The following IMPG1 variants were observed in gnomAD, a reference collection of about 807,000 sequenced individuals.
IMPG1 encodes the protein interphotoreceptor matrix proteoglycan 1, also known as interphotoreceptor matrix proteoglycan of 150 kDa.
In IMPG1, 85 loss-of-function variants were observed where a neutral mutation model predicts 92.0. That is an observed-to-expected ratio of 0.92 (90% CI 0.78 to 1.11). IMPG1 has a LOEUF of 1.11. Among genes scored for constraint, IMPG1 ranks in the 50% least tolerant of loss-of-function variants. The probability of loss-of-function intolerance (pLI) is 0.00; values close to 1 mark genes in which losing one functional copy is unlikely to be tolerated. For synonymous variants in IMPG1, 367 were observed against 334.1 expected (o/e 1.10, Z -1.08); for missense variants, 1,022 against 956.0 (o/e 1.07, Z -0.91).
At chr6:76,048,241 A>C (rs981923679) in intron 1 of IMPG1, among the ~76,000 whole-genome samples, 1 of 152,144 alleles carries the variant, frequency 6.6e-6, no homozygotes, top group African/African-American at 2.4e-5. Flanking sequence ...ACACACTTTA[A>C]ATTTCTGGTC....
At chr6:76,053,198 A>C (rs766065237) in intron 1 of IMPG1, among the ~76,000 whole-genome samples, 1 of 152,234 alleles carries the variant, frequency 6.6e-6, no homozygotes, top group Non-Finnish European at 1.5e-5. Flanking sequence ...ACAGGTTACC[A>C]TAAGAGAATC....
intron 12 of IMPG1, among the ~76,000 whole-genome samples, chr6:75,955,789 A>G (rs112689447): frequency 2.0e-5 from 3 of 152,192 alleles, no homozygotes; most frequent in Non-Finnish European, 4.4e-5. Flanking sequence ...CACCTAATTT[A>G]TTGAAAGTTT....
Position 75,947,368 on chromosome 6 carries a change from C to G in IMPG1, c.1990G>C (p.Ala664Pro). 1 of 1,613,948 alleles carries G rather than the reference C, an allele frequency of 6.2e-7. No individual in the cohort carries two copies. Among genetic ancestry groups the G allele is most frequent in the Non-Finnish European group, 8.5e-7 (1 of 1,179,884 alleles). Residue 664 changes from alanine (A) to proline (P), a missense_variant, in exon 14 of 17, where the codon GCA becomes CCA. Physicochemically the swap from Ala to Pro is conservative, Grantham distance 27. This residue lies in a region of IMPG1 where 332 missense variants were observed against 346.2 expected (regional missense o/e 0.96). Transcript: ENST00000369950. ...ATTTCCAGATGGAGTTGTTGGGCTGCAGCAGAACGAAAATCCTCCAAGACC... is the reference window on the plus strand; with the variant it reads ...ATTTCCAGATGGAGTTGTTGGGCTGGAGCAGAACGAAAATCCTCCAAGACC... ...HGVLEDFRSA[A>P]AQQLHLEIDS...
intron 9 of IMPG1, 150 bp downstream of exon 9, chr6:76,007,330 T>A (rs1783115296): frequency 3.4e-6 from 2 of 586,648 alleles, no homozygotes; most frequent in Non-Finnish European, 5.9e-6. Flanking sequence ...ACTGGACAAT[T>A]GTTCAATTAC....
intron 12 of IMPG1, among the ~76,000 whole-genome samples, chr6:75,989,471 T>G (rs1365050899): frequency 6.6e-6 from 1 of 152,156 alleles, no homozygotes; most frequent in African/African-American, 2.4e-5. Context: ...AGCCCTTAAA[T>G]CAATGGCAAA....
At chr6:75,994,230 A>G (rs1582091873) in intron 12 of IMPG1, among the ~76,000 whole-genome samples, 2 of 152,346 alleles carry the variant, frequency 1.3e-5, no homozygotes, top group African/African-American at 4.8e-5. Context: ...AAACCTCTAA[A>G]TCAGGATGTG....
intron 1 of IMPG1, among the ~76,000 whole-genome samples, chr6:76,058,181 G>T (rs1784151450): frequency 6.6e-6 from 1 of 152,108 alleles, no homozygotes; most frequent in Non-Finnish European, 1.5e-5. Flanking sequence ...GAAATTGATT[G>T]TAAATGGAGT....
rs1783715902 is a variant in IMPG1, at chr6:76,035,033, C to CGTGTGTGTGTGTGTGT, written c.302-247_302-246insACACACACACACACAC. 1.3e-5 allele frequency among the ~76,000 whole-genome samples: 2 copies of CGTGTGTGTGTGTGTGT among 151,210 alleles called. 1 individual carries two copies. Among genetic ancestry groups the CGTGTGTGTGTGTGTGT allele is most frequent in the Non-Finnish European group, 3.0e-5 (2 of 67,778 alleles). The stretch of plus-strand genomic sequence containing the variant: ...GTGTGTGTGCGTGTGTGTGTGTGTG[C>CGTGTGTGTGTGTGTGT]AAAACTGCAGTTTAAAATAGAGTGG... On this transcript the variant is annotated intron_variant, in intron 2 of 16. Transcript: ENST00000369950.
intron 12 of IMPG1, among the ~76,000 whole-genome samples, chr6:75,953,784 C>T (rs940118521): frequency 1.3e-5 from 2 of 150,414 alleles, no homozygotes; most frequent in Non-Finnish European, 3.0e-5. Context: ...CATGACAAGC[C>T]CCAGTGTGTG....
intron 12 of IMPG1, among the ~76,000 whole-genome samples, chr6:75,954,983 G>C (rs570098690): frequency 1.3e-5 from 2 of 152,180 alleles, no homozygotes; most frequent in East Asian, 3.9e-4. Context: ...TATCTGTTCT[G>C]GTACCAGTAC....
chr6:75,998,718 G>T (rs542991633), intron 12 of IMPG1, among the ~76,000 whole-genome samples: 4 of 152,100 alleles, frequency 2.6e-5, no homozygotes, highest in African/African-American at 9.7e-5. Flanking sequence ...ATGTATTGCC[G>T]CCTACACGTC....
At position 76,002,072 on chromosome 6, in the gene IMPG1, C is replaced by A. The variant is rs1156941301; in HGVS notation, c.1291+846G>T. On this transcript the variant is annotated intron_variant, in intron 12 of 16. Transcript: ENST00000369950. ...AACAATAGTAATCTTATTAAATATA[C>A]CAGTCATTGCAAATCTCCAATGGCA... 2.0e-5 allele frequency among the ~76,000 whole-genome samples: 3 copies of A among 152,236 alleles called. No individual in the cohort carries two copies. In the South Asian group the frequency reaches 6.2e-4, roughly 32 times the overall value.
chr6:75,942,228 C>T (rs966680451), intron 14 of IMPG1, among the ~76,000 whole-genome samples: 1 of 152,150 alleles, frequency 6.6e-6, no homozygotes, highest in Non-Finnish European at 1.5e-5. Flanking sequence ...ACAGAATTTC[C>T]AGCAGCTGCC....
chr6:76,030,108 G>A (rs117544397), intron 4 of IMPG1, among the ~76,000 whole-genome samples: 10 of 152,300 alleles, frequency 6.6e-5, no homozygotes, highest in Admixed American at 2.6e-4. Context: ...TGGATAAAGG[G>A]CATGTTAATA....
Position 76,002,914 on chromosome 6 carries a change from T to A in IMPG1, c.1291+4A>T. On this transcript the variant is annotated splice_donor_region_variant and intron_variant, in intron 12 of 16. Coordinates refer to ENST00000369950, the MANE Select transcript of IMPG1 (RefSeq NM_001563.4). ...TAACATAGACTTTGTGAGGGGAAACTTACCAGGTAGACCATGCTCTGCTCC... is the reference window on the plus strand; with the variant it reads ...TAACATAGACTTTGTGAGGGGAAACATACCAGGTAGACCATGCTCTGCTCC... 6.2e-7 allele frequency: 1 copy of A among 1,610,384 alleles called. No homozygotes were observed. The highest frequency in any genetic ancestry group is 1.1e-5 in the South Asian group (1 of 90,970).
At chr6:75,993,452 A>G (rs1295926491) in intron 12 of IMPG1, among the ~76,000 whole-genome samples, 3 of 152,022 alleles carry the variant, frequency 2.0e-5, no homozygotes, top group Non-Finnish European at 4.4e-5. Context: ...GTATCCCCAC[A>G]TGGCGGAAAA....
At chr6:75,953,449 G>A (rs1367859783) in intron 12 of IMPG1, among the ~76,000 whole-genome samples, 3 of 151,948 alleles carry the variant, frequency 2.0e-5, no homozygotes. Context: ...GGTGTGTGAT[G>A]TTCCCCTCCA....
intron 9 of IMPG1, 100 bp from the exon 10 acceptor site, chr6:76,005,634 C>G: frequency 8.2e-7 from 1 of 1,224,470 alleles, no homozygotes; most frequent in Non-Finnish European, 1.2e-6. Context: ...TAGCTTCCAC[C>G]TCTTTCCTGA....
chr6:76,056,502 C>T (rs1439389800), intron 1 of IMPG1, among the ~76,000 whole-genome samples: 1 of 152,118 alleles, frequency 6.6e-6, no homozygotes, highest in Non-Finnish European at 1.5e-5. Context: ...AGCATGGAAG[C>T]ACAGATATCT....
Sources: gnomAD v4.1 joint callset for allele counts (sites outside exome capture counted in the v4.1 genomes callset) on GRCh38, gnomAD v4.1.1 for gene constraint, gnomAD v4.1.1 regional missense constraint, MANE v1.5 for transcripts, NCBI Gene and HGNC (gene_info 2026-07-23, HGNC 2026-07-21) for gene names.